The following GSK3B variants were observed in gnomAD, a reference collection of about 807,000 sequenced individuals.
The protein encoded by GSK3B is glycogen synthase kinase-3 beta.
Under a neutral mutation model 56.4 loss-of-function variants are expected in GSK3B, and 15 were observed. The ratio of observed to expected loss-of-function variants is 0.27; its 90% CI spans 0.18 to 0.41. The LOEUF (loss-of-function observed/expected upper bound fraction) is 0.41, where lower values mean the gene tolerates loss of function less well. Ranked by LOEUF, GSK3B falls within the 10% of genes least tolerant of loss-of-function variation. The pLI, the probability that GSK3B is intolerant of heterozygous loss-of-function variation, is 1.00. For synonymous variants in GSK3B, 181 were observed against 188.9 expected (o/e 0.96, Z 0.34); for missense variants, 300 against 513.4 (o/e 0.58, Z 4.02).
At chr3:119,897,806 A>AAAAAAG (rs1203821981) in intron 7 of GSK3B, among the ~76,000 whole-genome samples, 4 of 151,358 alleles carry the variant, frequency 2.6e-5, no homozygotes, top group Admixed American at 1.3e-4. Flanking sequence ...AAAAAAAAAA[A>AAAAAAG]AAAAAGAAAA....
intron 7 of GSK3B, among the ~76,000 whole-genome samples, chr3:119,878,936 C>G (rs1455157185): frequency 6.6e-6 from 1 of 152,134 alleles, no homozygotes; most frequent in Non-Finnish European, 1.5e-5. Context: ...CAAAGGGACA[C>G]TAGGAAACTA....
intron 2 of GSK3B, among the ~76,000 whole-genome samples, chr3:119,994,424 C>A (rs939557355): frequency 6.6e-6 from 1 of 152,058 alleles, no homozygotes; most frequent in African/African-American, 2.4e-5. Flanking sequence ...TTAATGCATA[C>A]TAAAACTAGT....
At chr3:120,071,166 C>G (rs2058323380) in intron 1 of GSK3B, among the ~76,000 whole-genome samples, 1 of 152,194 alleles carries the variant, frequency 6.6e-6, no homozygotes, top group South Asian at 2.1e-4. Context: ...AGAGTAACTA[C>G]TGTGGGAGAC....
intron 7 of GSK3B, among the ~76,000 whole-genome samples, chr3:119,896,127 CAA>C (rs1161729921): frequency 1.5e-4 from 9 of 59,014 alleles, no homozygotes; most frequent in East Asian, 5.2e-4. Context: ...GACTCTGTCT[CAA>C]AAAAAAAAAA....
intron 4 of GSK3B, among the ~76,000 whole-genome samples, chr3:119,922,131 AG>A (rs927827090): frequency 3.9e-4 from 59 of 150,448 alleles, no homozygotes; most frequent in African/African-American, 1.3e-3. Context: ...AGTGAAATGA[AG>A]GAAGGAAGGA....
intron 9 of GSK3B, among the ~76,000 whole-genome samples, chr3:119,861,182 C>T (rs1008709583): frequency 6.6e-5 from 10 of 152,078 alleles, no homozygotes; most frequent in Non-Finnish European, 7.4e-5. Flanking sequence ...AACACTGCTC[C>T]AAAATTAGAA....
intron 7 of GSK3B, among the ~76,000 whole-genome samples, chr3:119,900,996 C>T (rs935350536): frequency 6.6e-6 from 1 of 152,064 alleles, no homozygotes. Flanking sequence ...AAAAAAGTAA[C>T]TGTCATTAAA....
At chr3:119,959,482 G>A (rs2057248509) in intron 2 of GSK3B, among the ~76,000 whole-genome samples, 2 of 143,942 alleles carry the variant, frequency 1.4e-5, no homozygotes, top group African/African-American at 5.1e-5. Flanking sequence ...AAACCATGAA[G>A]TCTTGATTCC....
intron 10 of GSK3B, among the ~76,000 whole-genome samples, chr3:119,828,712 A>G (rs1010531111): frequency 5.9e-5 from 9 of 152,250 alleles, no homozygotes; most frequent in African/African-American, 2.2e-4. Context: ...TGTTCAGTTT[A>G]TCATTTCTAA....
At chr3:119,961,716 A>G (rs2057274422) in intron 2 of GSK3B, among the ~76,000 whole-genome samples, 1 of 152,068 alleles carries the variant, frequency 6.6e-6, no homozygotes, top group Non-Finnish European at 1.5e-5. Flanking sequence ...TCAGATATAG[A>G]AGGAACTTAC....
chr3:120,026,554 A>ACACACACACACACACACACAC (rs1559881737), intron 1 of GSK3B, among the ~76,000 whole-genome samples: 1 of 64,390 alleles, frequency 1.6e-5, no homozygotes, highest in Non-Finnish European at 3.1e-5. Context: ...CACACACACA[A>ACACACACACACACACACACAC]ACACACACAC....
chr3:119,898,233 G>T (rs1020738442), intron 7 of GSK3B, among the ~76,000 whole-genome samples: 2 of 152,082 alleles, frequency 1.3e-5, no homozygotes, highest in African/African-American at 4.8e-5. Context: ...AAAACAGAAT[G>T]GTTGTACAGG....
chr3:119,869,229 A>T (rs2056221437), intron 8 of GSK3B, among the ~76,000 whole-genome samples: 1 of 149,404 alleles, frequency 6.7e-6, no homozygotes, highest in African/African-American at 2.5e-5. Context: ...ATCTCAAAAA[A>T]AAAAAAAAAA....
At chr3:120,075,918 G>C (rs2058363795) in intron 1 of GSK3B, among the ~76,000 whole-genome samples, 1 of 151,912 alleles carries the variant, frequency 6.6e-6, no homozygotes, top group African/African-American at 2.4e-5. Context: ...GAACAGCCAA[G>C]GCAATTCTGA....
rs374932964 is a variant in GSK3B, at chr3:119,890,001, C to T, written c.814-13493G>A. The stretch of plus-strand genomic sequence containing the variant: ...ACTAAATCTAAAATTATTGAGAATA[C>T]CATGTGTTGATGAGAATGTGAAGCA... On this transcript the variant is annotated intron_variant, in intron 7 of 10. Transcript: ENST00000264235. 7.9e-5 allele frequency among the ~76,000 whole-genome samples: 12 copies of T among 152,022 alleles called. No individual in the cohort carries two copies. In the South Asian group the frequency reaches 1.9e-3, roughly 24 times the overall value.
chr3:119,983,189 A>G (rs899296906), intron 2 of GSK3B, among the ~76,000 whole-genome samples: 2 of 152,226 alleles, frequency 1.3e-5, no homozygotes, highest in Non-Finnish European at 2.9e-5. Context: ...CTGCCTTACA[A>G]GAGCTCCTGA....
intron 1 of GSK3B, among the ~76,000 whole-genome samples, chr3:120,006,762 G>T (rs920657921): frequency 2.6e-5 from 4 of 152,142 alleles, no homozygotes; most frequent in African/African-American, 9.7e-5. Context: ...CACATTTAAA[G>T]CAGTGTTTAG....
At position 120,088,281 on chromosome 3, in the gene GSK3B, T is replaced by C. The variant is rs1423467180; in HGVS notation, c.88+5066A>G. Among the ~76,000 whole-genome samples the C allele has an allele frequency of 4.1e-5, 6 of 147,118 alleles. No individual in the cohort carries two copies. In the East Asian group the frequency reaches 1.2e-3, roughly 28 times the overall value. On this transcript the variant is annotated intron_variant, in intron 1 of 10. Coordinates refer to ENST00000264235, the MANE Select transcript of GSK3B (RefSeq NM_001146156.2). ...TAATTTACTAAAAATGTCCATTATG[T>C]ACTGAGTATTAGCTCATTTAAAAAA...
intron 7 of GSK3B, among the ~76,000 whole-genome samples, chr3:119,897,199 G>C (rs1339399132): frequency 2.6e-5 from 4 of 152,096 alleles, no homozygotes; most frequent in African/African-American, 9.7e-5. Context: ...TACATCGCCA[G>C]GAGTTATTTT....
Sources: allele counts gnomAD v4.1 joint callset (sites outside exome capture counted in the v4.1 genomes callset), GRCh38; gene constraint gnomAD v4.1.1; transcripts MANE v1.5; gene names NCBI Gene and HGNC (gene_info 2026-07-23, HGNC 2026-07-21).